IPCEF1: variants seen among roughly 807,000 people sequenced by gnomAD.
IPCEF1 encodes the protein interactor protein for cytohesin exchange factors 1.
In IPCEF1, 31 loss-of-function variants were observed where a neutral mutation model predicts 50.9. The observed-to-expected ratio is 0.61, with a 90% confidence interval of 0.46 to 0.82. The LOEUF (loss-of-function observed/expected upper bound fraction) is 0.82. Among genes scored for constraint, IPCEF1 ranks in the 40% least tolerant of loss-of-function variants. The probability of loss-of-function intolerance (pLI) is 0.00; values close to 1 mark genes in which losing one functional copy is unlikely to be tolerated. For synonymous variants in IPCEF1, 181 were observed against 192.0 expected, an observed-to-expected ratio of 0.94 and a Z score of 0.47; for missense variants, 458 against 514.0, an observed-to-expected ratio of 0.89 and a Z score of 1.05.
Position 154,246,051 on chromosome 6 carries a change from G to A in IPCEF1, c.246+540C>T, listed in dbSNP as rs1347817149. Reference sequence around the variant, plus strand: ...CACCAGGGGACAAGAGGTGACAGTCGCCAATGCAAAGCTGGCATAGGGGTT... The same window carrying A: ...CACCAGGGGACAAGAGGTGACAGTCACCAATGCAAAGCTGGCATAGGGGTT... On this transcript the variant is annotated intron_variant, in intron 5 of 11. Transcript: ENST00000367220. Among the ~76,000 whole-genome samples the A allele has an allele frequency of 2.0e-5, 3 of 152,114 alleles. 1 individual carries two copies. The highest frequency in any genetic ancestry group is 3.9e-4 in the East Asian group (2 of 5,190).
At chr6:154,346,786 G>A (rs1784038022) in intron 1 of IPCEF1, among the ~76,000 whole-genome samples, 1 of 152,180 alleles carries the variant, frequency 6.6e-6, no homozygotes, top group Non-Finnish European at 1.5e-5. Context: ...ACAACATGAG[G>A]AACAGCCCCC....
intron 3 of IPCEF1, among the ~76,000 whole-genome samples, chr6:154,265,579 C>T (rs1781735211): frequency 6.6e-6 from 1 of 152,142 alleles, no homozygotes; most frequent in Non-Finnish European, 1.5e-5. Context: ...GTGCCCAGCC[C>T]TATTTCAGTG....
chr6:154,181,592 A>C (rs938102203), intron 10 of IPCEF1, among the ~76,000 whole-genome samples: 2 of 152,230 alleles, frequency 1.3e-5, no homozygotes, highest in Non-Finnish European at 2.9e-5. Flanking sequence ...CTGAGATAGC[A>C]GTTGACTGAA....
chr6:154,331,246 C>T (rs559774340), intron 1 of IPCEF1, among the ~76,000 whole-genome samples: 5 of 148,766 alleles, frequency 3.4e-5, no homozygotes, highest in African/African-American at 1.2e-4. Context: ...CCAGCTGGGG[C>T]GATAGAGTGA....
At position 154,244,351 on chromosome 6, in the gene IPCEF1, G is replaced by A. The variant is rs531996136; in HGVS notation, c.246+2240C>T. On this transcript the variant is annotated intron_variant, in intron 5 of 11. Coordinates refer to ENST00000367220, the MANE Select transcript of IPCEF1 (RefSeq NM_001130700.2). ...GTTTGTGGTGGAGAGGAAGAGAGAG[G>A]GAGAATTCCCCTACATACCATTAGT... Among the ~76,000 whole-genome samples the A allele has an allele frequency of 1.7e-3, 260 of 150,796 alleles. 2 individuals carry two copies. The highest frequency in any genetic ancestry group is 6.0e-3 in the African/African-American group (245 of 40,962).
chr6:154,167,844 C>G (rs928591157), intron 11 of IPCEF1, 76 bp downstream of exon 11: 11 of 1,127,714 alleles, frequency 9.8e-6, no homozygotes, highest in Non-Finnish European at 1.1e-5. Flanking sequence ...CTGTGATTAG[C>G]AAGAATCTCT....
At chr6:154,229,926 C>A (rs1445219420) in intron 5 of IPCEF1, among the ~76,000 whole-genome samples, 1 of 152,128 alleles carries the variant, frequency 6.6e-6, no homozygotes, top group Non-Finnish European at 1.5e-5. Context: ...CATGGATGAA[C>A]CCTGAAAACA....
chr6:154,310,435 G>T (rs1426260292), intron 1 of IPCEF1, among the ~76,000 whole-genome samples: 4 of 152,160 alleles, frequency 2.6e-5, no homozygotes, highest in Admixed American at 2.0e-4. Flanking sequence ...GCACACTGTT[G>T]GTGGGAATGT....
At chr6:154,316,390 A>C (rs1288916804) in intron 1 of IPCEF1, among the ~76,000 whole-genome samples, 1 of 152,216 alleles carries the variant, frequency 6.6e-6, no homozygotes, top group Non-Finnish European at 1.5e-5. Flanking sequence ...CCAAACCTGC[A>C]ATATCTCTGA....
Position 154,246,621 on chromosome 6 carries a change from C to T in IPCEF1, c.216G>A (p.Gly72=), listed in dbSNP as rs770863112. ...KWKKFWVILK[G]SSLYWYSNQM... ...GATTGCTATACCAGTACAGTGACGA[C>T]CCCTTCAGTATCACCCAGAACTTTT... Residue 72 remains glycine, a synonymous_variant, in exon 5 of 12, where the codon GGG becomes GGA. Transcript: ENST00000367220. The T allele has an allele frequency of 6.2e-7, 1 of 1,613,952 alleles. No individual in the cohort carries two copies. The highest frequency in any genetic ancestry group is 8.5e-7 in the Non-Finnish European group (1 of 1,179,898).
At chr6:154,295,074 T>C (rs1782610120) in intron 1 of IPCEF1, among the ~76,000 whole-genome samples, 1 of 151,880 alleles carries the variant, frequency 6.6e-6, no homozygotes. Context: ...GGCGGTCCCC[T>C]GTGGTCCCAG....
chr6:154,161,186 T>C (rs925798667), intron 11 of IPCEF1, among the ~76,000 whole-genome samples: 4 of 152,022 alleles, frequency 2.6e-5, no homozygotes, highest in African/African-American at 9.7e-5. Context: ...TTCCAGTCTT[T>C]CTTTACCCAA....
At chr6:154,200,085 G>C (rs1338574958) in intron 9 of IPCEF1, 45 bp from the exon 10 acceptor site, 2 of 1,513,672 alleles carry the variant, frequency 1.3e-6, no homozygotes, top group East Asian at 2.3e-5. Context: ...AAGACATCAT[G>C]ATTAAACCAT....
At chr6:154,180,890 T>C (rs1583724314) in intron 10 of IPCEF1, among the ~76,000 whole-genome samples, 6 of 152,240 alleles carry the variant, frequency 3.9e-5, no homozygotes, top group Admixed American at 3.3e-4. Flanking sequence ...TGGAAAAATT[T>C]AGGTAGAAAA....
chr6:154,322,566 G>C (rs1233308798), intron 1 of IPCEF1, among the ~76,000 whole-genome samples: 1 of 152,110 alleles, frequency 6.6e-6, no homozygotes, highest in Non-Finnish European at 1.5e-5. Context: ...GGCCAGGCGT[G>C]TTGGCTCACA....
intron 11 of IPCEF1, among the ~76,000 whole-genome samples, chr6:154,166,162 T>C (rs1799406196): frequency 6.6e-6 from 1 of 152,226 alleles, no homozygotes; most frequent in Non-Finnish European, 1.5e-5. Context: ...TTGGGATAAT[T>C]TGTTACCTAG....
At chr6:154,207,070 G>A (rs1390131064) in intron 9 of IPCEF1, among the ~76,000 whole-genome samples, 1 of 152,182 alleles carries the variant, frequency 6.6e-6, no homozygotes, top group Non-Finnish European at 1.5e-5. Context: ...GAGAGAGAGA[G>A]GGACTAGAGA....
At chr6:154,314,214 T>C (rs1044548075) in intron 1 of IPCEF1, among the ~76,000 whole-genome samples, 1 of 152,188 alleles carries the variant, frequency 6.6e-6, no homozygotes, top group Non-Finnish European at 1.5e-5. Flanking sequence ...AAAAAACAAG[T>C]CTTTGGAGGA....
chr6:154,219,693 C>T (rs1471621376), intron 7 of IPCEF1, among the ~76,000 whole-genome samples: 1 of 151,976 alleles, frequency 6.6e-6, no homozygotes, highest in Non-Finnish European at 1.5e-5. Context: ...CCTCTCCATT[C>T]GTGTATCTGT....
Sources: gnomAD v4.1 joint callset for allele counts (sites outside exome capture counted in the v4.1 genomes callset) on GRCh38, gnomAD v4.1.1 for gene constraint, MANE v1.5 for transcripts, NCBI Gene and HGNC (gene_info 2026-07-23, HGNC 2026-07-21) for gene names.